Variants in PACS1 observed in about 807,000 individuals in gnomAD.
PACS1 encodes PACS-1.
PACS1 carries 24 observed loss-of-function variants against 115.0 expected under a neutral mutation model. The observed-to-expected ratio is 0.21, with a 90% CI of 0.15 to 0.29. The LOEUF is 0.29. PACS1 is among the 10% of genes least tolerant of loss of function. The pLI is 1.00. For synonymous variants in PACS1, 453 were observed against 504.5 expected (o/e 0.90, Z 1.37); for missense variants, 838 against 1,251.2 (o/e 0.67, Z 4.98).
chr11:66,212,333 C>T (rs1379421804), intron 4 of PACS1, among the ~76,000 whole-genome samples: 1 of 151,422 alleles, frequency 6.6e-6, no homozygotes, highest in Non-Finnish European at 1.5e-5. Context: ...GGGGTTTCAC[C>T]ATGTTGGCCA....
chr11:66,233,890 C>G lies in PACS1; in HGVS notation c.1944C>G (p.Asn648Lys). ...GGTTCTTTGTCAAGTCCCTGGCCAACAAGACCTCCGACTGGCTTGGCTACA... is the reference window on the plus strand; with the variant it reads ...GGTTCTTTGTCAAGTCCCTGGCCAAGAAGACCTCCGACTGGCTTGGCTACA... Reference protein sequence around the residue: ...ILRFFVKSLANKTSDWLGYMR... With the variant: ...ILRFFVKSLAKKTSDWLGYMR... Residue 648 changes from asparagine to lysine, a missense_variant, in exon 16 of 24, where the codon AAC becomes AAG. Asn to Lys is a moderately conservative substitution (Grantham distance 94). Transcript: ENST00000320580. The surrounding 1 kb of genome is among the most constrained non-coding windows in gnomAD (Gnocchi z 4.5). 1 of 1,598,676 alleles carries G rather than the reference C, an allele frequency of 6.3e-7. No homozygotes were observed. The highest frequency in any genetic ancestry group is 1.1e-5 in the South Asian group (1 of 88,786).
intron 1 of PACS1, among the ~76,000 whole-genome samples, chr11:66,173,125 G>C (rs368251409): frequency 2.0e-5 from 3 of 149,764 alleles, no homozygotes; most frequent in South Asian, 4.2e-4. Flanking sequence ...TAGAGACAGG[G>C]TCCTGCTATG....
intron 10 of PACS1, among the ~76,000 whole-genome samples, chr11:66,224,195 CAA>C (rs71036281): frequency 1.2e-5 from 1 of 81,346 alleles, no homozygotes; most frequent in Non-Finnish European, 2.2e-5. Flanking sequence ...GACTCCATCT[CAA>C]AAAAAAAAAA....
chr11:66,103,761 G>A (rs192125536), intron 1 of PACS1, among the ~76,000 whole-genome samples: 3 of 152,008 alleles, frequency 2.0e-5, no homozygotes, highest in African/African-American at 7.2e-5. Context: ...TGATCCATCC[G>A]CTTCAGCCTC....
intron 7 of PACS1, chr11:66,216,991 T>A: frequency 1.8e-6 from 1 of 545,098 alleles, no homozygotes; most frequent in Non-Finnish European, 3.3e-6. Flanking sequence ...ATCCTTCAGG[T>A]TATCGTCAGA....
At chr11:66,215,943 ATAATAAT>A (rs1855195813) in intron 4 of PACS1, among the ~76,000 whole-genome samples, 169 bp from the exon 5 acceptor site, 1 of 145,758 alleles carries the variant, frequency 6.9e-6, no homozygotes, top group African/African-American at 2.6e-5. Context: ...AATAATAATA[ATAATAAT>A]AAACAAAGTA....
At chr11:66,145,412 T>TGA (rs1859097977) in intron 1 of PACS1, among the ~76,000 whole-genome samples, 1 of 152,020 alleles carries the variant, frequency 6.6e-6, no homozygotes. Context: ...GTAATGACCC[T>TGA]CAGTAGCAAG....
At chr11:66,121,029 T>C (rs1037296553) in intron 1 of PACS1, 4 of 456,302 alleles carry the variant, frequency 8.8e-6, no homozygotes, top group Non-Finnish European at 1.3e-5. Context: ...AGATGCTGCA[T>C]TTTTTACAGA....
At chr11:66,086,389 C>T (rs928815407) in intron 1 of PACS1, among the ~76,000 whole-genome samples, 2 of 152,110 alleles carry the variant, frequency 1.3e-5, no homozygotes, top group Non-Finnish European at 2.9e-5. Flanking sequence ...CCACCCGCCT[C>T]GGCCTCCCAA....
rs76903949 is a variant in PACS1, at chr11:66,231,376, G to A, written c.1626+436G>A. Among the ~76,000 whole-genome samples, 1,095 of 152,300 alleles carry A rather than the reference G, an allele frequency of 7.2e-3. 16 individuals carry two copies. Among genetic ancestry groups the A allele is most frequent in the African/African-American group, 0.024 (1,011 of 41,554 alleles). ...TGGGCGGTCATCGTGCTTTCAAGCC[G>A]GGAAGCCAACAATATTAAACTGTTT... On this transcript the variant is annotated intron_variant, in intron 13 of 23. Transcript: ENST00000320580.
At chr11:66,186,818 G>T (rs1292512900) in intron 1 of PACS1, among the ~76,000 whole-genome samples, 1 of 151,808 alleles carries the variant, frequency 6.6e-6, no homozygotes, top group Non-Finnish European at 1.5e-5. Context: ...ATGGGTTTTG[G>T]ATATAAGCCC....
intron 1 of PACS1, among the ~76,000 whole-genome samples, chr11:66,121,813 A>G (rs1858449815): frequency 6.6e-6 from 1 of 152,204 alleles, no homozygotes; most frequent in Non-Finnish European, 1.5e-5. Flanking sequence ...AAGCTAGCAG[A>G]GGTTGGTTCA....
At chr11:66,206,533 C>T (rs530108972) in intron 2 of PACS1, among the ~76,000 whole-genome samples, 1 of 152,250 alleles carries the variant, frequency 6.6e-6, no homozygotes, top group Non-Finnish European at 1.5e-5. Context: ...TTACTTCTAG[C>T]GAATTTGAAA....
At chr11:66,130,700 T>C (rs541184435) in intron 1 of PACS1, among the ~76,000 whole-genome samples, 1 of 152,294 alleles carries the variant, frequency 6.6e-6, no homozygotes, top group East Asian at 1.9e-4. Context: ...GCATTGTATT[T>C]TTATTGCTCT....
chr11:66,219,064 G>A (rs914014594), intron 7 of PACS1, among the ~76,000 whole-genome samples: 3 of 152,012 alleles, frequency 2.0e-5, no homozygotes, highest in Non-Finnish European at 2.9e-5. Context: ...CTAGTCGGAG[G>A]GTAGCATGAG....
intron 1 of PACS1, among the ~76,000 whole-genome samples, chr11:66,156,207 TATATATATA>T (rs1859351308): frequency 1.9e-3 from 4 of 2,112 alleles, no homozygotes; most frequent in African/African-American, 4.1e-3. Flanking sequence ...TTTTAAATTA[TATATATATA>T]TATATATATA....
intron 1 of PACS1, among the ~76,000 whole-genome samples, chr11:66,112,073 C>T (rs1345527316): frequency 9.2e-5 from 14 of 152,226 alleles, no homozygotes; most frequent in Middle Eastern, 3.2e-3. Context: ...ACCTGCATCA[C>T]GCAGTAGCCA....
chr11:66,212,989 A>G (rs1855112327), intron 4 of PACS1, among the ~76,000 whole-genome samples: 1 of 152,166 alleles, frequency 6.6e-6, no homozygotes, highest in Non-Finnish European at 1.5e-5. Flanking sequence ...AGCTGGGATT[A>G]CAGGGACCCG....
intron 1 of PACS1, among the ~76,000 whole-genome samples, chr11:66,082,467 G>C (rs918200370): frequency 6.6e-6 from 1 of 152,006 alleles, no homozygotes; most frequent in Non-Finnish European, 1.5e-5. Context: ...AAAGTATTGG[G>C]ATTACAGGTG....
Sources: gnomAD v4.1 joint callset for allele counts (sites outside exome capture counted in the v4.1 genomes callset) on GRCh38, gnomAD v4.1.1 for gene constraint, Gnocchi (gnomAD v3.1) non-coding constraint, MANE v1.5 for transcripts, NCBI Gene and HGNC (gene_info 2026-07-23, HGNC 2026-07-21) for gene names.